Variants in KLHL14 observed in about 807,000 individuals in gnomAD.
The protein encoded by KLHL14 is kelch like family member 14, also known as kelch-like protein 14.
KLHL14 carries 22 observed loss-of-function variants against 64.3 expected under a neutral mutation model. The observed-to-expected ratio is 0.34, with a 90% CI of 0.24 to 0.49. KLHL14 has a LOEUF of 0.49. KLHL14 is among the 20% of genes least tolerant of loss of function. The pLI is 0.99. For missense variants in KLHL14, 661 were observed against 789.0 expected (o/e 0.84, Z 1.94); for synonymous variants, 322 against 333.4 (o/e 0.97, Z 0.37).
intron 3 of KLHL14, among the ~76,000 whole-genome samples, chr18:32,704,121 A>G (rs1347211639): frequency 1.3e-5 from 2 of 152,222 alleles, no homozygotes; most frequent in Non-Finnish European, 2.9e-5. Context: ...TAGCAGAGCA[A>G]CATATATTAT....
chr18:32,749,216 A>G (rs530274521), intron 2 of KLHL14, among the ~76,000 whole-genome samples: 1 of 152,254 alleles, frequency 6.6e-6, no homozygotes, highest in South Asian at 2.1e-4. Context: ...TTTTTGAAAC[A>G]TGGAGATTTG....
chr18:32,772,549 C>A, intron 1 of KLHL14, 118 bp downstream of exon 1: 1 of 153,348 alleles, frequency 6.5e-6, no homozygotes, highest in Non-Finnish European at 1.4e-5. Context: ...GAGCGTTTGC[C>A]ATACAACTAC....
intron 3 of KLHL14, among the ~76,000 whole-genome samples, chr18:32,713,283 A>G (rs1354586862): frequency 6.6e-6 from 1 of 152,170 alleles, no homozygotes; most frequent in Non-Finnish European, 1.5e-5. Context: ...TAGGCTCTTC[A>G]ACTTACCAGT....
At chr18:32,737,722 CAA>C (rs1415951255) in intron 3 of KLHL14, 1 of 152,148 alleles carries the variant, frequency 6.6e-6, no homozygotes, top group African/African-American at 2.4e-5. Context: ...TCAGAGGAGA[CAA>C]CCTAGGAAAC....
At position 32,752,033 on chromosome 18, in the gene KLHL14, G is replaced by A. The variant is rs1056770975; in HGVS notation, c.948-9984C>T. ...TCCCAGCTACTCAGGAGGCTGAGGC[G>A]GGAGAATCACTTGAACTTGGGAGGT... On this transcript the variant is annotated intron_variant, in intron 2 of 8. Coordinates refer to ENST00000359358, the MANE Select transcript of KLHL14 (RefSeq NM_020805.3). Among the ~76,000 whole-genome samples, 30 of 152,122 alleles carry A rather than the reference G, an allele frequency of 2.0e-4. 1 individual carries two copies. In the Middle Eastern group the frequency reaches 0.014, roughly 69 times the overall value.
chr18:32,771,186 C>T, intron 1 of KLHL14: 1 of 176,134 alleles, frequency 5.7e-6, no homozygotes, highest in Non-Finnish European at 1.3e-5. Context: ...GCCCGACCAG[C>T]GTGCGGGGTG....
chr18:32,713,330 T>G (rs564960076), intron 3 of KLHL14, among the ~76,000 whole-genome samples: 23 of 152,312 alleles, frequency 1.5e-4, no homozygotes, highest in Non-Finnish European at 1.2e-4. Flanking sequence ...TCTCCAAATA[T>G]TCCCCTTCCC....
intron 2 of KLHL14, among the ~76,000 whole-genome samples, chr18:32,752,295 G>A (rs1245253067): frequency 6.6e-6 from 1 of 152,026 alleles, no homozygotes; most frequent in Non-Finnish European, 1.5e-5. Context: ...TCAAGGTTCA[G>A]TCAGTGGGGT....
chr18:32,707,614 T>C (rs1330029857), intron 3 of KLHL14, among the ~76,000 whole-genome samples: 2 of 152,224 alleles, frequency 1.3e-5, no homozygotes, highest in Non-Finnish European at 2.9e-5. Flanking sequence ...CTAGAAGATG[T>C]GTACCTGACC....
chr18:32,749,815 C>T (rs1000056573), intron 2 of KLHL14, among the ~76,000 whole-genome samples: 138 of 152,162 alleles, frequency 9.1e-4, no homozygotes, highest in African/African-American at 2.9e-3. Context: ...GTAGAAAAGG[C>T]CAGGAAAACA....
chr18:32,764,510 C>T (rs1317383208), intron 2 of KLHL14, among the ~76,000 whole-genome samples: 1 of 75,694 alleles, frequency 1.3e-5, no homozygotes, highest in African/African-American at 3.1e-5. Context: ...CTGATATATC[C>T]CAAGTGCCTA....
intron 3 of KLHL14, among the ~76,000 whole-genome samples, chr18:32,705,873 C>A (rs1315864403): frequency 1.3e-5 from 2 of 152,228 alleles, no homozygotes; most frequent in African/African-American, 4.8e-5. Flanking sequence ...GCTCTACCTA[C>A]TCAAGTTCCC....
At chr18:32,747,898 T>C (rs1187775081) in intron 2 of KLHL14, among the ~76,000 whole-genome samples, 2 of 152,234 alleles carry the variant, frequency 1.3e-5, no homozygotes, top group African/African-American at 2.4e-5. Flanking sequence ...TGACTATTTT[T>C]TAACATTTTT....
At chr18:32,757,818 T>A (rs1273380100) in intron 2 of KLHL14, among the ~76,000 whole-genome samples, 1 of 152,222 alleles carries the variant, frequency 6.6e-6, no homozygotes, top group Non-Finnish European at 1.5e-5. Context: ...ATCACAGATA[T>A]TTTTCTCTGC....
chr18:32,694,551 C>A (rs2049927829), intron 4 of KLHL14, among the ~76,000 whole-genome samples: 1 of 152,182 alleles, frequency 6.6e-6, no homozygotes, highest in Non-Finnish European at 1.5e-5. Flanking sequence ...AAGAAATGTT[C>A]TTGAAGGGTG....
At chr18:32,697,061 C>T (rs779237657) in intron 3 of KLHL14, among the ~76,000 whole-genome samples, 2 of 152,106 alleles carry the variant, frequency 1.3e-5, no homozygotes, top group African/African-American at 4.8e-5. Context: ...CAGTGGTTTG[C>T]GCGGTCCATG....
intron 3 of KLHL14, chr18:32,734,179 T>G (rs1220657411): frequency 4.3e-6 from 3 of 702,786 alleles, no homozygotes; most frequent in Non-Finnish European, 7.8e-6. Flanking sequence ...TTCTCTGGTT[T>G]TCCTCCTTCT....
Position 32,680,927 on chromosome 18 carries a change from A to G in KLHL14, c.1239-328T>C, listed in dbSNP as rs137889490. 4.9e-3 allele frequency among the ~76,000 whole-genome samples: 742 copies of G among 152,276 alleles called. 4 individuals are homozygous for G. Among genetic ancestry groups the G allele is most frequent in the Middle Eastern group, 0.017 (5 of 294 alleles). On this transcript the variant is annotated intron_variant, in intron 5 of 8. Transcript: ENST00000359358. The surrounding 1 kb of genome is among the most constrained non-coding windows in gnomAD (Gnocchi z 4.8). ...GGGATATTCGGTACCTTGTAAGGAT[A>G]TCGTAGCTCTGTAAGGCAAAGTGAA...
chr18:32,717,069 T>C (rs1046569948), intron 3 of KLHL14, among the ~76,000 whole-genome samples: 1 of 152,172 alleles, frequency 6.6e-6, no homozygotes, highest in African/African-American at 2.4e-5. Context: ...AACTAATAGC[T>C]CCAAAACCTC....
Sources: allele counts gnomAD v4.1 joint callset (sites outside exome capture counted in the v4.1 genomes callset), GRCh38; gene constraint gnomAD v4.1.1; non-coding constraint Gnocchi (gnomAD v3.1); transcripts MANE v1.5; gene names NCBI Gene and HGNC (gene_info 2026-07-23, HGNC 2026-07-21).